Variants in MAML3 observed in about 807,000 individuals in gnomAD.
MAML3 encodes the protein mastermind like transcriptional coactivator 3.
Under a neutral mutation model 101.9 loss-of-function variants are expected in MAML3, and 27 were observed. The observed-to-expected ratio is 0.27, with a 90% confidence interval of 0.20 to 0.37. The LOEUF (loss-of-function observed/expected upper bound fraction) is 0.37. MAML3 is among the 10% of genes least tolerant of loss of function. The pLI is 1.00. For missense variants in MAML3, 1,316 were observed against 1,444.9 expected (o/e 0.91, Z 1.45); for synonymous variants, 501 against 555.9 (o/e 0.90, Z 1.39).
intron 1 of MAML3, among the ~76,000 whole-genome samples, chr4:140,019,672 A>C (rs1025477356): frequency 2.0e-5 from 3 of 152,138 alleles, no homozygotes; most frequent in Non-Finnish European, 4.4e-5. Flanking sequence ...CCAGAAAACA[A>C]CACCTCATCT....
intron 1 of MAML3, among the ~76,000 whole-genome samples, chr4:140,116,251 A>G (rs919427386): frequency 3.3e-5 from 5 of 152,186 alleles, no homozygotes; most frequent in Admixed American, 6.5e-5. Context: ...AAATTAATCA[A>G]GTTATACTGT....
rs564198154 is a variant in MAML3 at position 139,870,069 on chromosome 4, G to A, written c.2079+19288C>T. Among the ~76,000 whole-genome samples, 10 of 152,352 alleles carry A rather than the reference G, an allele frequency of 6.6e-5. No individual in the cohort carries two copies. In the South Asian group the frequency reaches 1.0e-3, roughly 16 times the overall value. On this transcript the variant is annotated intron_variant, in intron 2 of 4. Coordinates refer to ENST00000509479, the MANE Select transcript of MAML3 (RefSeq NM_018717.5). ...ATCGTTTGAAGATTAAATGTTTCAT[G>A]TCAAGGGCTTAGTACAGGTCTTGGC...
chr4:139,988,277 G>A (rs35612722), intron 1 of MAML3, among the ~76,000 whole-genome samples: 39,404 of 143,108 alleles, frequency 0.28, 6,467 homozygotes, highest in Non-Finnish European at 0.37. Flanking sequence ...CAGTGAGCCA[G>A]GATCGCGCCA....
chr4:139,799,900 T>C (rs1442157325), intron 2 of MAML3, among the ~76,000 whole-genome samples: 1 of 152,110 alleles, frequency 6.6e-6, no homozygotes, highest in African/African-American at 2.4e-5. Flanking sequence ...AAATGCACTT[T>C]AGTATTTACC....
At chr4:140,075,195 A>G (rs571150029) in intron 1 of MAML3, among the ~76,000 whole-genome samples, 2 of 152,330 alleles carry the variant, frequency 1.3e-5, no homozygotes, top group Non-Finnish European at 2.9e-5. Flanking sequence ...GAAGTTTGGG[A>G]AATTTAAGCT....
At chr4:139,789,682 T>C (rs941182516) in intron 2 of MAML3, among the ~76,000 whole-genome samples, 5 of 152,170 alleles carry the variant, frequency 3.3e-5, no homozygotes, top group Non-Finnish European at 7.3e-5. Flanking sequence ...AAGTGATATA[T>C]AATTTTTTTT....
intron 1 of MAML3, among the ~76,000 whole-genome samples, chr4:140,123,657 G>A (rs1435693327): frequency 3.9e-5 from 6 of 152,086 alleles, no homozygotes; most frequent in African/African-American, 1.4e-4. Context: ...GTCCATTATT[G>A]TTCCCCACCA....
At chr4:139,832,766 G>A (rs1036146912) in intron 2 of MAML3, among the ~76,000 whole-genome samples, 14 of 152,220 alleles carry the variant, frequency 9.2e-5, no homozygotes, top group African/African-American at 3.4e-4. Context: ...CAGAAAGGCA[G>A]AGGTCCATAC....
At chr4:140,082,666 G>A (rs1354038469) in intron 1 of MAML3, among the ~76,000 whole-genome samples, 2 of 151,962 alleles carry the variant, frequency 1.3e-5, no homozygotes, top group Non-Finnish European at 2.9e-5. Flanking sequence ...CACGGGGCGG[G>A]CACAAAGTCC....
chr4:139,852,324 C>T (rs1174785492), intron 2 of MAML3, among the ~76,000 whole-genome samples: 1 of 150,830 alleles, frequency 6.6e-6, no homozygotes, highest in Non-Finnish European at 1.5e-5. Context: ...ACATAGAAAG[C>T]ACCATAGGTC....
At chr4:139,830,390 A>G (rs1331671210) in intron 2 of MAML3, among the ~76,000 whole-genome samples, 1 of 151,574 alleles carries the variant, frequency 6.6e-6, no homozygotes, top group African/African-American at 2.4e-5. Flanking sequence ...TAATCAATAA[A>G]TACTTTTGCA....
intron 1 of MAML3, among the ~76,000 whole-genome samples, chr4:139,896,897 G>A (rs1289670769): frequency 6.6e-6 from 1 of 152,142 alleles, no homozygotes; most frequent in Admixed American, 6.5e-5. Context: ...GTGGGCGAGG[G>A]TGCATGACAC....
intron 1 of MAML3, among the ~76,000 whole-genome samples, chr4:140,137,137 C>A (rs928617075): frequency 1.3e-5 from 2 of 152,028 alleles, no homozygotes; most frequent in Non-Finnish European, 2.9e-5. Context: ...TACAGGCGCC[C>A]GCCACCGCGC....
At chr4:140,005,707 T>C (rs1041648754) in intron 1 of MAML3, among the ~76,000 whole-genome samples, 10 of 152,360 alleles carry the variant, frequency 6.6e-5, no homozygotes, top group Admixed American at 2.0e-4. Flanking sequence ...GGAGATGAAC[T>C]TTGTTAATGA....
At chr4:140,058,658 C>T (rs1727394362) in intron 1 of MAML3, among the ~76,000 whole-genome samples, 1 of 151,966 alleles carries the variant, frequency 6.6e-6, no homozygotes, top group Non-Finnish European at 1.5e-5. Flanking sequence ...CATGTTTTAA[C>T]ATAGTGTCTA....
intron 1 of MAML3, among the ~76,000 whole-genome samples, chr4:140,003,981 T>C (rs1231025269): frequency 1.3e-5 from 2 of 152,212 alleles, no homozygotes; most frequent in African/African-American, 4.8e-5. Flanking sequence ...AGCAAGAGAA[T>C]CACTTAGAAA....
At chr4:139,730,746 A>G (rs1728673549) in intron 2 of MAML3, 79 bp from the exon 3 acceptor site, 8 of 1,340,700 alleles carry the variant, frequency 6.0e-6, no homozygotes, top group South Asian at 4.0e-5. Context: ...CCCTGGAAAA[A>G]GGGAACGGGG....
Position 140,153,060 on chromosome 4 carries a change from T to G in MAML3, c.268A>C (p.Asn90His). ...RIEGCRRHHV[N>H]CENRYQQAQV... ...GCCTGCTGGTACCTGTTCTCGCAGT[T>G]GACGTGGTGCCGACGGCAGCCCTCG... The change falls in exon 1 of 5, where the codon AAC (asparagine) becomes CAC (histidine). Residue 90 changes from asparagine (N) to histidine (H), a missense_variant. Transcript: ENST00000509479. 6.4e-7 allele frequency: 1 copy of G among 1,572,644 alleles called. No individual in the cohort carries two copies. Among genetic ancestry groups the G allele is most frequent in the South Asian group, 1.2e-5 (1 of 86,544 alleles).
chr4:140,067,271 A>G (rs1727555487), intron 1 of MAML3, among the ~76,000 whole-genome samples: 1 of 152,056 alleles, frequency 6.6e-6, no homozygotes, highest in Non-Finnish European at 1.5e-5. Context: ...AGAGACATAG[A>G]AAAACATCTA....
Sources: gnomAD v4.1 joint callset for allele counts (sites outside exome capture counted in the v4.1 genomes callset) on GRCh38, gnomAD v4.1.1 for gene constraint, MANE v1.5 for transcripts, NCBI Gene and HGNC (gene_info 2026-07-23, HGNC 2026-07-21) for gene names.